TANK: variants seen among roughly 807,000 people sequenced by gnomAD.
TANK encodes TRAF family member associated NFKB activator.
Under a neutral mutation model 43.6 loss-of-function variants are expected in TANK, and 15 were observed. The ratio of observed to expected loss-of-function variants is 0.34; its 90% CI spans 0.23 to 0.53. The LOEUF (loss-of-function observed/expected upper bound fraction) is 0.53, where lower values mean the gene tolerates loss of function less well. Among genes scored for constraint, TANK ranks in the 20% least tolerant of loss-of-function variants. The pLI is 0.94. For missense variants in TANK, 417 were observed against 498.6 expected (o/e 0.84, Z 1.56); for synonymous variants, 162 against 178.2 (o/e 0.91, Z 0.73).
intron 4 of TANK, chr2:161,223,099 G>C (rs1228029388): frequency 6.6e-6 from 1 of 151,946 alleles, no homozygotes; most frequent in East Asian, 1.9e-4. Flanking sequence ...ATATCCACTG[G>C]TTTGGATTTG....
chr2:161,191,085 T>C (rs1685894905), intron 2 of TANK, among the ~76,000 whole-genome samples: 1 of 152,210 alleles, frequency 6.6e-6, no homozygotes, highest in Non-Finnish European at 1.5e-5. Flanking sequence ...TCAGTTCTTC[T>C]CTCAGTGTTT....
intron 1 of TANK, among the ~76,000 whole-genome samples, chr2:161,166,937 G>A (rs1684709441): frequency 6.6e-6 from 1 of 152,206 alleles, no homozygotes; most frequent in African/African-American, 2.4e-5. Flanking sequence ...GGGAAAGGCT[G>A]GTGGCTTTCT....
At chr2:161,220,464 A>G (rs776966319) in intron 4 of TANK, among the ~76,000 whole-genome samples, 5 of 152,128 alleles carry the variant, frequency 3.3e-5, no homozygotes, top group Non-Finnish European at 5.9e-5. Flanking sequence ...TTACTCGGGC[A>G]TGGTGGCGAG....
intron 4 of TANK, among the ~76,000 whole-genome samples, chr2:161,210,473 G>A (rs1413272674): frequency 6.6e-6 from 1 of 152,108 alleles, no homozygotes; most frequent in Admixed American, 6.5e-5. Context: ...ACAGCAATTA[G>A]CAAGCATTAT....
At chr2:161,194,749 C>T (rs189945045) in intron 2 of TANK, among the ~76,000 whole-genome samples, 58 of 152,166 alleles carry the variant, frequency 3.8e-4, no homozygotes, top group African/African-American at 1.2e-3. Context: ...GGATTGCAAA[C>T]GGCATAAAAT....
In TANK at chr2:161,160,868, G is replaced by A. The variant is rs765060037; in HGVS notation, c.-50+382G>A. Reference sequence around the variant, plus strand: ...GAACATTCCCGACTTCCCTTCGGGAGAGAGACTGCCTCCTAGAATCAAGTA... The same window carrying A: ...GAACATTCCCGACTTCCCTTCGGGAAAGAGACTGCCTCCTAGAATCAAGTA... On this transcript the variant is annotated intron_variant, in intron 1 of 7. Transcript: ENST00000392749. 2.2e-5 allele frequency: 11 copies of A among 501,176 alleles called. 1 individual carries two copies. Among genetic ancestry groups the A allele is most frequent in the South Asian group, 1.7e-4 (11 of 63,010 alleles). The allele number at this position is 501,176 out of a possible 1,614,324, so 31.0% of individuals were successfully genotyped here.
intron 4 of TANK, among the ~76,000 whole-genome samples, chr2:161,207,228 C>G (rs1272239087): frequency 6.6e-6 from 1 of 151,976 alleles, no homozygotes; most frequent in Non-Finnish European, 1.5e-5. Flanking sequence ...TCAGAGATAG[C>G]CTGTGTGCAA....
In TANK at chr2:161,203,547, A is replaced by G; in HGVS notation, c.160A>G (p.Ile54Val). The G allele has an allele frequency of 1.9e-6, 3 of 1,612,430 alleles. No individual in the cohort carries two copies. Among genetic ancestry groups the G allele is most frequent in the Non-Finnish European group, 2.5e-6 (3 of 1,179,390 alleles). Reference sequence around the variant, plus strand: ...GGAACAGCTGTCACTTCAACAGACTATTATTGACAAGCTAAAATCTCAGTT... The same window carrying G: ...GGAACAGCTGTCACTTCAACAGACTGTTATTGACAAGCTAAAATCTCAGTT... ...QQEQLSLQQT[I>V]IDKLKSQLLL... is the part of the protein sequence containing the mutation. The change falls in exon 3 of 8, where the codon ATT (isoleucine) becomes GTT (valine). Residue 54 changes from isoleucine (I) to valine (V), a missense_variant. By Grantham distance (29) the Ile-to-Val change is conservative. Transcript: ENST00000392749.
chr2:161,197,780 C>A (rs1461918249), intron 2 of TANK, among the ~76,000 whole-genome samples: 1 of 152,062 alleles, frequency 6.6e-6, no homozygotes, highest in East Asian at 1.9e-4. Flanking sequence ...TGGGAGCAGC[C>A]CTTATAACTT....
chr2:161,151,322 C>T (rs531169512), intron 1 of TANK, among the ~76,000 whole-genome samples: 1 of 152,090 alleles, frequency 6.6e-6, no homozygotes, highest in South Asian at 2.1e-4. Context: ...TGTCTATTTT[C>T]TTTTGGATCT....
chr2:161,170,449 A>G (rs1037450625), intron 1 of TANK, among the ~76,000 whole-genome samples: 1 of 152,190 alleles, frequency 6.6e-6, no homozygotes, highest in Admixed American at 6.5e-5. Flanking sequence ...CCGAAATTCT[A>G]TATACTTCTT....
At chr2:161,219,086 A>G (rs965602278) in intron 4 of TANK, among the ~76,000 whole-genome samples, 4 of 152,240 alleles carry the variant, frequency 2.6e-5, no homozygotes, top group African/African-American at 7.2e-5. Flanking sequence ...AGAAAGATAT[A>G]TGCAAAAGGT....
upstream of TANK, chr2:161,156,033 T>C: frequency 3.1e-6 from 3 of 976,904 alleles, no homozygotes; most frequent in Non-Finnish European, 3.6e-6. Context: ...TCAAAACACA[T>C]TGAGTCCTTT....
At chr2:161,187,246 A>G (rs1685703595) in intron 2 of TANK, among the ~76,000 whole-genome samples, 1 of 152,070 alleles carries the variant, frequency 6.6e-6, no homozygotes, top group African/African-American at 2.4e-5. Context: ...GGCCAACATG[A>G]CAAAATCCCA....
At chr2:161,233,407 T>C (rs1168522137) in intron 7 of TANK, among the ~76,000 whole-genome samples, 4 of 151,878 alleles carry the variant, frequency 2.6e-5, no homozygotes, top group African/African-American at 9.7e-5. Context: ...AAAATAATAA[T>C]AATAATTTTT....
At position 161,231,346 on chromosome 2, in the gene TANK, C is replaced by T. The variant is rs750674742; in HGVS notation, c.896C>T (p.Ala299Val). The T allele has an allele frequency of 6.2e-7, 1 of 1,614,164 alleles. No individual in the cohort carries two copies. Among genetic ancestry groups the T allele is most frequent in the Non-Finnish European group, 8.5e-7 (1 of 1,180,018 alleles). ...CAGGGAATTGACCCCATAGCTTCAG[C>T]TATACAAAACCTTAAAACAACTGAC... ...EIQGIDPIAS[A>V]IQNLKTTDKT... Residue 299 changes from alanine (A) to valine (V), a missense_variant, in exon 7 of 8, where the codon GCT becomes GTT. Physicochemically the swap from Ala to Val is moderately conservative, Grantham distance 64. Transcript: ENST00000392749.
chr2:161,170,638 A>G (rs553999762), intron 1 of TANK, among the ~76,000 whole-genome samples: 2 of 152,346 alleles, frequency 1.3e-5, no homozygotes, highest in African/African-American at 4.8e-5. Flanking sequence ...AATTAGATCC[A>G]GGAGTCTTGG....
intron 6 of TANK, among the ~76,000 whole-genome samples, chr2:161,226,691 CTTTGT>C (rs1687633210): frequency 6.6e-6 from 1 of 151,920 alleles, no homozygotes; most frequent in Non-Finnish European, 1.5e-5. Flanking sequence ...TTTATTATTA[CTTTGT>C]TTTTTCTACT....
intron 7 of TANK, among the ~76,000 whole-genome samples, chr2:161,234,912 A>G (rs570007433): frequency 2.6e-5 from 4 of 152,370 alleles, no homozygotes; most frequent in South Asian, 4.1e-4. Context: ...TTAAGACGCA[A>G]TGCACACACA....
Sources: allele counts gnomAD v4.1 joint callset (sites outside exome capture counted in the v4.1 genomes callset), GRCh38; gene constraint gnomAD v4.1.1; transcripts MANE v1.5; gene names NCBI Gene and HGNC (gene_info 2026-07-23, HGNC 2026-07-21).